EPS15L1: variants seen among roughly 807,000 people sequenced by gnomAD.
EPS15L1 encodes the protein epidermal growth factor receptor pathway substrate 15 like 1.
In EPS15L1, 43 loss-of-function variants were observed where a neutral mutation model predicts 117.1. That is an observed-to-expected ratio of 0.37 (90% CI 0.29 to 0.47). EPS15L1 has a LOEUF of 0.47. EPS15L1 is among the 20% of genes least tolerant of loss of function. EPS15L1 has a pLI of 0.99. For synonymous variants in EPS15L1, 459 were observed against 470.5 expected (o/e 0.98, Z 0.32); for missense variants, 981 against 1,164.0 (o/e 0.84, Z 2.29).
Position 16,386,160 on chromosome 19 carries a change from A to G in EPS15L1, c.2164+11T>C. The G allele has an allele frequency of 6.2e-7, 1 of 1,603,632 alleles. No homozygotes were observed. Among genetic ancestry groups the G allele is most frequent in the East Asian group, 2.2e-5 (1 of 44,744 alleles). On this transcript the variant is annotated intron_variant, in intron 20 of 23. Coordinates refer to ENST00000455140, the MANE Select transcript of EPS15L1 (RefSeq NM_001258374.3). ...GAATAGTCAGGAAGAAAAATAAGTCATGGGTCTCACCTGATCCTTTTGAGG... is the reference window on the plus strand; with the variant it reads ...GAATAGTCAGGAAGAAAAATAAGTCGTGGGTCTCACCTGATCCTTTTGAGG...
chr19:16,388,241 T>C (rs965842398), intron 19 of EPS15L1, among the ~76,000 whole-genome samples: 1 of 152,152 alleles, frequency 6.6e-6, no homozygotes, highest in Non-Finnish European at 1.5e-5. Context: ...GGTTTCACCA[T>C]GTTGGCCAGG....
Position 16,471,866 on chromosome 19 carries a change from T to TCGCGCCC in EPS15L1, c.33+40_33+46dup. On this transcript the variant is annotated intron_variant, in intron 1 of 23. Transcript: ENST00000455140. The surrounding 1 kb of genome is among the most constrained non-coding windows in gnomAD (Gnocchi z 4.8). ...CCTCAGCCTCGCCGCACCGCTCGCCTCGCGCCCCGCACCCCGGCGCCGCCC... is the reference window on the plus strand; with the variant it reads ...CCTCAGCCTCGCCGCACCGCTCGCCTCGCGCCCCGCGCCCCGCACCCCGGCGCCGCCC... The TCGCGCCC allele has an allele frequency of 8.5e-7, 1 of 1,181,406 alleles. No individual in the cohort carries two copies. Among genetic ancestry groups the TCGCGCCC allele is most frequent in the Non-Finnish European group, 1.1e-6 (1 of 918,196 alleles). The allele number at this position is 1,181,406 out of a possible 1,614,324, so 73.2% of individuals were successfully genotyped here. A position where few individuals can be genotyped will look rare whatever the true frequency, so the allele number is the denominator to read the frequency against.
chr19:16,377,556 G>A (rs564675224), intron 21 of EPS15L1, among the ~76,000 whole-genome samples: 2 of 152,314 alleles, frequency 1.3e-5, no homozygotes, highest in South Asian at 4.1e-4. Flanking sequence ...AGGCACACTG[G>A]GTCTTTCCTG....
intron 23 of EPS15L1, among the ~76,000 whole-genome samples, chr19:16,359,354 G>A (rs148777036): frequency 2.0e-5 from 3 of 152,288 alleles, no homozygotes; most frequent in East Asian, 3.9e-4. Context: ...CTGAGCCCCC[G>A]AATGCCGTGA....
At chr19:16,416,153 T>C (rs2092755500) in intron 12 of EPS15L1, among the ~76,000 whole-genome samples, 1 of 151,828 alleles carries the variant, frequency 6.6e-6, no homozygotes, top group Non-Finnish European at 1.5e-5. Flanking sequence ...GATAGAATAC[T>C]GCACCTGTTA....
intron 9 of EPS15L1, among the ~76,000 whole-genome samples, chr19:16,423,254 A>G (rs2092835638): frequency 6.6e-6 from 1 of 152,114 alleles, no homozygotes; most frequent in Non-Finnish European, 1.5e-5. Flanking sequence ...CAAGGACTTG[A>G]TCAAACAATT....
chr19:16,401,224 A>T, intron 16 of EPS15L1: 2 of 985,510 alleles, frequency 2.0e-6, no homozygotes, highest in Non-Finnish European at 2.4e-6. Context: ...CAGACACAAG[A>T]GACAGATGAG....
chr19:16,417,853 C>CGCCACCGTGGGCTCATGTGT, intron 11 of EPS15L1, 95 bp downstream of exon 11: 1 of 1,498,710 alleles, frequency 6.7e-7, no homozygotes, highest in Non-Finnish European at 9.0e-7. Flanking sequence ...AGGCAGCACC[C>CGCCACCGTGGGCTCATGTGT]GCCACCGTGG....
chr19:16,395,920 G>C (rs1344981070), intron 16 of EPS15L1, among the ~76,000 whole-genome samples: 1 of 108,174 alleles, frequency 9.2e-6, no homozygotes, highest in African/African-American at 6.8e-5. Flanking sequence ...GCTCCAGCCT[G>C]GGCGATAGAG....
chr19:16,451,015 A>T (rs1461668988), intron 1 of EPS15L1, among the ~76,000 whole-genome samples: 1 of 151,522 alleles, frequency 6.6e-6, no homozygotes, highest in Non-Finnish European at 1.5e-5. Context: ...CAGTGGTGCA[A>T]TCTTGGCTCA....
At chr19:16,407,630 T>C (rs1020155668) in intron 13 of EPS15L1, among the ~76,000 whole-genome samples, 1 of 152,078 alleles carries the variant, frequency 6.6e-6, no homozygotes, top group Admixed American at 6.6e-5. Flanking sequence ...CTGGCCTTCT[T>C]TTCCCCTTCT....
intron 13 of EPS15L1, among the ~76,000 whole-genome samples, chr19:16,410,164 G>C (rs560729407): frequency 6.0e-5 from 9 of 150,632 alleles, no homozygotes; most frequent in Middle Eastern, 6.8e-3. Flanking sequence ...TTTAAAAATC[G>C]GCAAGAAAAA....
At chr19:16,444,697 G>C (rs1033828671) in intron 1 of EPS15L1, among the ~76,000 whole-genome samples, 3 of 151,826 alleles carry the variant, frequency 2.0e-5, no homozygotes, top group African/African-American at 7.3e-5. Flanking sequence ...TGATCAGAGA[G>C]GTCTGGATCT....
chr19:16,369,425 C>T (rs984104551), intron 22 of EPS15L1, among the ~76,000 whole-genome samples: 8 of 152,214 alleles, frequency 5.3e-5, no homozygotes, highest in African/African-American at 1.9e-4. Context: ...CGAGCCACTG[C>T]TGGCCGCTGT....
At chr19:16,407,002 T>C (rs1297555360) in intron 13 of EPS15L1, among the ~76,000 whole-genome samples, 1 of 152,216 alleles carries the variant, frequency 6.6e-6, no homozygotes, top group Admixed American at 6.5e-5. Context: ...AGGTGCTGCC[T>C]ATGAACCAGG....
At chr19:16,403,996 A>C in intron 14 of EPS15L1, 66 bp from the exon 15 acceptor site, 1 of 1,429,602 alleles carries the variant, frequency 7.0e-7, no homozygotes, top group South Asian at 1.2e-5. Flanking sequence ...ACTCCGAGAA[A>C]GAACTCTTAG....
chr19:16,434,573 GA>G, intron 6 of EPS15L1, 83 bp from the exon 7 acceptor site: 1 of 1,463,758 alleles, frequency 6.8e-7, no homozygotes. Flanking sequence ...AAAGCCAAGT[GA>G]AAATGGCCAC....
rs2092357323 is a variant in EPS15L1 at position 16,381,106 on chromosome 19, A to T, written c.2248-3852T>A. Among the ~76,000 whole-genome samples, 2 of 152,162 alleles carry T rather than the reference A, an allele frequency of 1.3e-5. No individual in the cohort carries two copies. Among genetic ancestry groups the T allele is most frequent in the Non-Finnish European group, 2.9e-5 (2 of 68,018 alleles). ...GCTCCTGCACAGATGACCCCACCAG[A>T]TCCCTTCCCTGGGCTTCACGCCGCC... On this transcript the variant is annotated intron_variant, in intron 21 of 23. Transcript: ENST00000455140. The surrounding 1 kb of genome is among the most constrained non-coding windows in gnomAD (Gnocchi z 4.2).
At chr19:16,413,505 G>T in intron 13 of EPS15L1, 1 of 722,470 alleles carries the variant, frequency 1.4e-6, no homozygotes, top group South Asian at 1.7e-5. Flanking sequence ...GGAGTTCACT[G>T]ACCACCTTGT....
Sources: gnomAD v4.1 joint callset for allele counts (sites outside exome capture counted in the v4.1 genomes callset) on GRCh38, gnomAD v4.1.1 for gene constraint, Gnocchi (gnomAD v3.1) non-coding constraint, MANE v1.5 for transcripts, NCBI Gene and HGNC (gene_info 2026-07-23, HGNC 2026-07-21) for gene names.